The following DENND1B variants were observed in gnomAD, a reference collection of about 807,000 sequenced individuals.
DENND1B encodes DENN domain-containing protein 1B.
Under a neutral mutation model 90.1 loss-of-function variants are expected in DENND1B, and 59 were observed. The ratio of observed to expected loss-of-function variants is 0.65; its 90% CI spans 0.53 to 0.81. DENND1B has a LOEUF of 0.81. DENND1B is among the 40% of genes least tolerant of loss of function. DENND1B has a pLI of 0.00. For missense variants in DENND1B, 862 were observed against 912.6 expected, an observed-to-expected ratio of 0.94 and a Z score of 0.71; for synonymous variants, 337 against 324.6, an observed-to-expected ratio of 1.04 and a Z score of -0.41.
intron 13 of DENND1B, among the ~76,000 whole-genome samples, chr1:197,597,784 T>C (rs761186499): frequency 7.2e-5 from 11 of 151,824 alleles, no homozygotes; most frequent in Non-Finnish European, 7.4e-5. Context: ...GAAAAGAATG[T>C]ACCTGTTCTA....
At chr1:197,745,677 A>G (rs1229351347) in intron 2 of DENND1B, among the ~76,000 whole-genome samples, 2 of 149,002 alleles carry the variant, frequency 1.3e-5, no homozygotes, top group South Asian at 4.2e-4. Context: ...TAGAAGGTTC[A>G]AAGTTATATT....
intron 7 of DENND1B, among the ~76,000 whole-genome samples, chr1:197,647,349 G>A (rs1299102488): frequency 6.6e-6 from 1 of 151,904 alleles, no homozygotes; most frequent in Non-Finnish European, 1.5e-5. Context: ...GATATTTGAC[G>A]ATTTTGAAAT....
intron 2 of DENND1B, among the ~76,000 whole-genome samples, chr1:197,765,708 G>A (rs1489510377): frequency 6.6e-6 from 1 of 152,160 alleles, no homozygotes; most frequent in African/African-American, 2.4e-5. Flanking sequence ...CTGCAGCAGA[G>A]GCCAAGCAGC....
At chr1:197,574,785 C>A (rs1324182299) in intron 15 of DENND1B, among the ~76,000 whole-genome samples, 1 of 152,066 alleles carries the variant, frequency 6.6e-6, no homozygotes, top group Non-Finnish European at 1.5e-5. Context: ...AGAAATAACA[C>A]CACACAACTA....
At position 197,510,969 on chromosome 1, in the gene DENND1B, T is replaced by C. The variant is rs1667988088; in HGVS notation, c.1819A>G (p.Lys607Glu). ...TTATTCTCACTAGGAGCATTAGATT[T>C]ATTCTGAAAAAAAGAAGAAACAACA... ...MDDIDYKPTN[K>E]SNAPSENNLA... The change falls in exon 23 of 23, where the codon AAA (lysine) becomes GAA (glutamate). Residue 607 changes from lysine (K) to glutamate (E), a missense_variant. Transcript: ENST00000620048. 6.7e-7 allele frequency: 1 copy of C among 1,488,904 alleles called. No homozygotes were observed. Among genetic ancestry groups the C allele is most frequent in the Non-Finnish European group, 8.9e-7 (1 of 1,119,278 alleles). The allele number at this position is 1,488,904 out of a possible 1,614,324, so 92.2% of individuals were successfully genotyped here.
chr1:197,739,772 A>C (rs537804566), intron 2 of DENND1B, among the ~76,000 whole-genome samples: 7 of 152,304 alleles, frequency 4.6e-5, no homozygotes, highest in Admixed American at 1.3e-4. Context: ...CCCAATAAAG[A>C]AAATATAAGA....
chr1:197,772,635 C>T (rs1167524121), intron 2 of DENND1B, among the ~76,000 whole-genome samples: 3 of 152,116 alleles, frequency 2.0e-5, no homozygotes, highest in Non-Finnish European at 4.4e-5. Flanking sequence ...CCAGCCTGGG[C>T]AACGTGGTGA....
chr1:197,622,677 C>A (rs1678280533), intron 10 of DENND1B, among the ~76,000 whole-genome samples: 1 of 151,236 alleles, frequency 6.6e-6, no homozygotes, highest in Non-Finnish European at 1.5e-5. Flanking sequence ...CAGACTCTCC[C>A]AGAAAATGTT....
chr1:197,671,951 G>A, intron 5 of DENND1B, 86 bp downstream of exon 5: 1 of 1,320,286 alleles, frequency 7.6e-7, no homozygotes, highest in Non-Finnish European at 1.0e-6. Flanking sequence ...AAGAAAACAA[G>A]TTTTTCTTCA....
intron 11 of DENND1B, among the ~76,000 whole-genome samples, chr1:197,614,408 T>C (rs1317494108): frequency 1.3e-5 from 2 of 151,014 alleles, no homozygotes; most frequent in Non-Finnish European, 3.0e-5. Context: ...AATCCTAATA[T>C]GAAATCACCC....
At chr1:197,698,315 C>T (rs1571401565) in intron 3 of DENND1B, among the ~76,000 whole-genome samples, 8 of 151,926 alleles carry the variant, frequency 5.3e-5, no homozygotes, top group Admixed American at 5.3e-4. Flanking sequence ...CTGAATGACT[C>T]CTGGGTACAT....
chr1:197,694,501 T>C (rs1430563114), intron 3 of DENND1B, among the ~76,000 whole-genome samples: 1 of 151,408 alleles, frequency 6.6e-6, no homozygotes, highest in African/African-American at 2.4e-5. Flanking sequence ...TATATTTATG[T>C]TTTTTCTCCC....
chr1:197,540,820 G>T, intron 19 of DENND1B, 139 bp downstream of exon 19: 1 of 710,720 alleles, frequency 1.4e-6, no homozygotes. Flanking sequence ...CAGAGGGCTT[G>T]TTATAAAAAA....
chr1:197,528,490 A>G (rs1417706488), intron 20 of DENND1B, among the ~76,000 whole-genome samples: 1 of 152,230 alleles, frequency 6.6e-6, no homozygotes, highest in Admixed American at 6.5e-5. Flanking sequence ...AAAAAGACAA[A>G]AAGTTTCATT....
At chr1:197,549,653 C>A (rs1021549654) in intron 16 of DENND1B, among the ~76,000 whole-genome samples, 3 of 152,100 alleles carry the variant, frequency 2.0e-5, no homozygotes, top group Non-Finnish European at 4.4e-5. Flanking sequence ...TTAAATGCAT[C>A]CTTTGTTCTA....
At chr1:197,555,223 A>T (rs1165344235) in intron 15 of DENND1B, among the ~76,000 whole-genome samples, 1 of 152,138 alleles carries the variant, frequency 6.6e-6, no homozygotes, top group Non-Finnish European at 1.5e-5. Flanking sequence ...ACCTCAAACT[A>T]AAAACCTTTC....
chr1:197,772,851 A>G lies in DENND1B; in HGVS notation c.82+17T>C, dbSNP rs1356699582. ...AAAAGAGACCTTGTCAAATAACAGA[A>G]CACAGAAGACACATACCTTCATTTT... On this transcript the variant is annotated intron_variant, in intron 2 of 22. Transcript: ENST00000620048. 1 of 1,545,560 alleles carries G rather than the reference A, an allele frequency of 6.5e-7. No homozygotes were observed.
chr1:197,651,896 C>T (rs1393106652), intron 7 of DENND1B, among the ~76,000 whole-genome samples: 1 of 151,972 alleles, frequency 6.6e-6, no homozygotes, highest in African/African-American at 2.4e-5. Context: ...ACCTTGTGAT[C>T]CACCTGCCTC....
At chr1:197,520,520 A>G (rs1381383445) in intron 20 of DENND1B, among the ~76,000 whole-genome samples, 1 of 151,952 alleles carries the variant, frequency 6.6e-6, no homozygotes, top group Non-Finnish European at 1.5e-5. Flanking sequence ...GTAACTACAT[A>G]TTATAAACAT....
Sources: gnomAD v4.1 joint callset for allele counts (sites outside exome capture counted in the v4.1 genomes callset) on GRCh38, gnomAD v4.1.1 for gene constraint, MANE v1.5 for transcripts, NCBI Gene and HGNC (gene_info 2026-07-23, HGNC 2026-07-21) for gene names.